CDH13: variants seen among roughly 807,000 people sequenced by gnomAD.
CDH13 encodes the protein cadherin-13.
CDH13 carries 24 observed loss-of-function variants against 63.8 expected under a neutral mutation model. The ratio of observed to expected loss-of-function variants is 0.38; its 90% confidence interval spans 0.27 to 0.53. The LOEUF (loss-of-function observed/expected upper bound fraction) is 0.53. CDH13 is among the 20% of genes least tolerant of loss of function. The pLI, the probability that CDH13 is intolerant of heterozygous loss-of-function variation, is 0.85. For synonymous variants in CDH13, 503 were observed against 355.3 expected (o/e 1.42, Z -4.67); for missense variants, 1,049 against 903.1 (o/e 1.16, Z -2.07).
chr16:83,031,650 C>G (rs1002148356), intron 2 of CDH13, among the ~76,000 whole-genome samples: 1 of 152,022 alleles, frequency 6.6e-6, no homozygotes, highest in Non-Finnish European at 1.5e-5. Flanking sequence ...CCTCAATGGT[C>G]CTGAGCACCC....
chr16:83,548,607 AC>A (rs1233123801), intron 7 of CDH13, among the ~76,000 whole-genome samples: 3 of 152,198 alleles, frequency 2.0e-5, no homozygotes, highest in African/African-American at 7.2e-5. Flanking sequence ...CAGTTCTTTT[AC>A]AAGGGGTATG....
In CDH13 at chr16:83,643,806, A is replaced by G. The variant is rs184292183; in HGVS notation, c.1102-26984A>G. Among the ~76,000 whole-genome samples, 139 of 152,306 alleles carry G rather than the reference A, an allele frequency of 9.1e-4. 1 individual carries two copies. The highest frequency in any genetic ancestry group is 3.1e-3 in the African/African-American group (128 of 41,568). On this transcript the variant is annotated intron_variant, in intron 8 of 13. Transcript: ENST00000567109. ...AATTCATAGTTTACTTACGTTAATC[A>G]TAATGTCAAACATGTCAACAGCATC...
At chr16:83,461,766 A>G (rs551305438) in intron 6 of CDH13, among the ~76,000 whole-genome samples, 5 of 152,352 alleles carry the variant, frequency 3.3e-5, no homozygotes, top group Admixed American at 3.3e-4. Flanking sequence ...AATGTAAAAG[A>G]TCAGCTTGTA....
At chr16:82,987,624 G>A (rs767109637) in intron 2 of CDH13, among the ~76,000 whole-genome samples, 10 of 152,160 alleles carry the variant, frequency 6.6e-5, no homozygotes, top group African/African-American at 1.9e-4. Flanking sequence ...TGATCTGCCC[G>A]CTTTGGCCTC....
intron 4 of CDH13, among the ~76,000 whole-genome samples, chr16:83,179,798 A>T (rs1328137004): frequency 6.6e-6 from 1 of 152,194 alleles, no homozygotes; most frequent in Non-Finnish European, 1.5e-5. Context: ...TTAGGATAAA[A>T]TACAAATGAC....
intron 7 of CDH13, among the ~76,000 whole-genome samples, chr16:83,488,843 C>G (rs1185695199): frequency 1.3e-5 from 2 of 152,112 alleles, no homozygotes; most frequent in African/African-American, 4.8e-5. Context: ...CAGGCTTGTC[C>G]CAAACTCCTG....
rs199756336 is a variant in CDH13, at chr16:83,646,692, CAAA to C, written c.1102-24079_1102-24077del. Among the ~76,000 whole-genome samples, 133 of 72,684 alleles carry C rather than the reference CAAA, an allele frequency of 1.8e-3. 1 individual carries two copies. Among genetic ancestry groups the C allele is most frequent in the East Asian group, 7.1e-3 (16 of 2,256 alleles). The allele number at this position is 72,684 out of a possible 152,430, so 47.7% of individuals were successfully genotyped here. A position where few individuals can be genotyped will look rare whatever the true frequency, so the allele number is the denominator to read the frequency against. On this transcript the variant is annotated intron_variant, in intron 8 of 13. Transcript: ENST00000567109. ...GGGTGACAAGAGCAAGACTCCGTCT[CAAA>C]AAAAAAAAAAAAAAAAAACACACAC...
chr16:83,704,580 G>A (rs1293190489), intron 10 of CDH13, among the ~76,000 whole-genome samples: 1 of 152,146 alleles, frequency 6.6e-6, no homozygotes, highest in African/African-American at 2.4e-5. Flanking sequence ...GCTGCCACAG[G>A]CTCCAATGCC....
chr16:83,611,648 G>A (rs910610614), intron 8 of CDH13, among the ~76,000 whole-genome samples: 6 of 151,156 alleles, frequency 4.0e-5, no homozygotes, highest in Admixed American at 3.3e-4. Context: ...TCTAATGTAT[G>A]GATTTAAGAC....
At chr16:82,760,520 C>G (rs755109271) in intron 1 of CDH13, among the ~76,000 whole-genome samples, 22 of 151,682 alleles carry the variant, frequency 1.5e-4, no homozygotes, top group Non-Finnish European at 2.9e-4. Flanking sequence ...TAGTTTGGAC[C>G]CTGTTTACAA....
At chr16:82,807,421 A>C (rs891994367) in intron 1 of CDH13, among the ~76,000 whole-genome samples, 1 of 152,164 alleles carries the variant, frequency 6.6e-6, no homozygotes, top group Non-Finnish European at 1.5e-5. Context: ...CTGGTAGCTG[A>C]GAATAGCAGG....
At chr16:83,150,408 A>G (rs150934103) in intron 4 of CDH13, among the ~76,000 whole-genome samples, 5 of 152,198 alleles carry the variant, frequency 3.3e-5, no homozygotes, top group Non-Finnish European at 5.9e-5. Flanking sequence ...TCTGTCCCCA[A>G]TATATGCTTC....
intron 1 of CDH13, among the ~76,000 whole-genome samples, chr16:82,720,712 A>G (rs2032717107): frequency 6.6e-6 from 1 of 152,130 alleles, no homozygotes; most frequent in African/African-American, 2.4e-5. Context: ...TAATAAAACA[A>G]CATTGAAGAA....
At chr16:82,895,956 C>T (rs1460164471) in intron 2 of CDH13, among the ~76,000 whole-genome samples, 5 of 152,058 alleles carry the variant, frequency 3.3e-5, no homozygotes, top group Non-Finnish European at 5.9e-5. Flanking sequence ...CCTTCGCAGG[C>T]ATTATCCCTC....
At chr16:83,083,417 C>T (rs1351712556) in intron 3 of CDH13, among the ~76,000 whole-genome samples, 1 of 152,146 alleles carries the variant, frequency 6.6e-6, no homozygotes, top group Non-Finnish European at 1.5e-5. Context: ...GAACACAATT[C>T]CAATCTGTGT....
chr16:83,210,555 C>T (rs1007705083), intron 4 of CDH13, among the ~76,000 whole-genome samples: 15 of 151,994 alleles, frequency 9.9e-5, no homozygotes, highest in African/African-American at 2.9e-4. Flanking sequence ...CCACCACGTA[C>T]GGCATACTGT....
chr16:83,102,911 CTTTT>C (rs140557578), intron 3 of CDH13, among the ~76,000 whole-genome samples: 2 of 96,582 alleles, frequency 2.1e-5, no homozygotes, highest in Non-Finnish European at 4.0e-5. Flanking sequence ...ATTAAACTTT[CTTTT>C]TTTTTTTTCT....
chr16:83,140,456 T>G (rs1435198971), intron 4 of CDH13, among the ~76,000 whole-genome samples: 1 of 152,158 alleles, frequency 6.6e-6, no homozygotes, highest in Non-Finnish European at 1.5e-5. Context: ...CTGATGTATC[T>G]TTTTTCTTTT....
intron 1 of CDH13, among the ~76,000 whole-genome samples, chr16:82,699,226 G>T (rs1049169841): frequency 6.6e-6 from 1 of 152,156 alleles, no homozygotes; most frequent in Non-Finnish European, 1.5e-5. Context: ...TGGGATTCAG[G>T]CTGTAGTAGG....
Sources: gnomAD v4.1 joint callset for allele counts (sites outside exome capture counted in the v4.1 genomes callset) on GRCh38, gnomAD v4.1.1 for gene constraint, MANE v1.5 for transcripts, NCBI Gene and HGNC (gene_info 2026-07-23, HGNC 2026-07-21) for gene names.